TPH2: variants seen among roughly 807,000 people sequenced by gnomAD.
The protein encoded by TPH2 is tryptophan hydroxylase 2, also known as tryptophan 5-hydroxylase 2.
A neutral mutation model predicts 59.1 loss-of-function variants in TPH2; 27 were observed. The observed-to-expected ratio is 0.46, with a 90% CI of 0.34 to 0.63. TPH2 has a LOEUF of 0.63. TPH2 is among the 30% of genes least tolerant of loss of function. The pLI is 0.01. For synonymous variants in TPH2, 220 were observed against 210.5 expected (o/e 1.05, Z -0.39); for missense variants, 523 against 588.3 (o/e 0.89, Z 1.15).
intron 5 of TPH2, among the ~76,000 whole-genome samples, chr12:71,969,299 T>C (rs1871907707): frequency 2.0e-5 from 3 of 151,940 alleles, no homozygotes; most frequent in Admixed American, 6.6e-5. Context: ...GAAAGAAAGA[T>C]ACATAATGAT....
chr12:72,023,748 C>T (rs1002034267), intron 9 of TPH2, among the ~76,000 whole-genome samples: 6 of 144,502 alleles, frequency 4.2e-5, no homozygotes, highest in Admixed American at 7.3e-5. Context: ...CACTTGAACC[C>T]AGGAGGCGGA....
intron 7 of TPH2, among the ~76,000 whole-genome samples, chr12:71,982,105 G>A (rs1029075722): frequency 2.8e-5 from 4 of 143,400 alleles, no homozygotes; most frequent in African/African-American, 2.6e-5. Context: ...CTGGATTCAA[G>A]CAATTCTCCT....
At chr12:71,980,773 G>C (rs1260248658) in intron 7 of TPH2, among the ~76,000 whole-genome samples, 2 of 152,022 alleles carry the variant, frequency 1.3e-5, no homozygotes, top group African/African-American at 2.4e-5. Context: ...GGTATGCAGA[G>C]AGAGAGAGAG....
intron 8 of TPH2, among the ~76,000 whole-genome samples, chr12:72,001,072 C>A (rs987604741): frequency 6.6e-6 from 1 of 152,204 alleles, no homozygotes; most frequent in Non-Finnish European, 1.5e-5. Flanking sequence ...AGCTGTGCAT[C>A]ATCTGTGGGG....
chr12:71,943,466 C>G (rs1207668219), intron 2 of TPH2, among the ~76,000 whole-genome samples: 1 of 152,070 alleles, frequency 6.6e-6, no homozygotes, highest in Non-Finnish European at 1.5e-5. Flanking sequence ...AAATTCTAAC[C>G]TGATTTTTAA....
chr12:71,989,880 C>T (rs577845556), intron 7 of TPH2, among the ~76,000 whole-genome samples: 1 of 152,002 alleles, frequency 6.6e-6, no homozygotes, highest in Non-Finnish European at 1.5e-5. Flanking sequence ...TAGAATCCCC[C>T]TAGCAGGGCT....
intron 8 of TPH2, among the ~76,000 whole-genome samples, chr12:72,017,717 G>A (rs1376699581): frequency 1.3e-5 from 2 of 151,972 alleles, no homozygotes; most frequent in Non-Finnish European, 1.5e-5. Flanking sequence ...AAATCTCTAG[G>A]GAATATATTA....
At chr12:71,960,787 T>C (rs1328413357) in intron 5 of TPH2, among the ~76,000 whole-genome samples, 1 of 152,216 alleles carries the variant, frequency 6.6e-6, no homozygotes, top group Non-Finnish European at 1.5e-5. Flanking sequence ...ATTTTTACTT[T>C]AAAATGATTT....
At chr12:71,995,687 G>A (rs1219730370) in intron 8 of TPH2, among the ~76,000 whole-genome samples, 1 of 152,146 alleles carries the variant, frequency 6.6e-6, no homozygotes, top group African/African-American at 2.4e-5. Context: ...GGTGGACAAG[G>A]ACAGCATGTC....
At position 71,964,305 on chromosome 12, in the gene TPH2, G is replaced by A; in HGVS notation, c.609-8214G>A. ...AATATATATATAGTTGTTTTGTTTT[G>A]AGATGGGGTCTCTGTCGTCCAGGCT... On this transcript the variant is annotated intron_variant, in intron 5 of 10. Transcript: ENST00000333850. The A allele has an allele frequency of 4.1e-5, 2 of 48,274 alleles. 1 individual carries two copies. Among genetic ancestry groups the A allele is most frequent in the South Asian group, 1.4e-3 (2 of 1,466 alleles). 3.0% of individuals were successfully genotyped at this position (48,274 alleles called of 1,614,324 possible).
At chr12:72,015,693 T>C (rs1566165187) in intron 8 of TPH2, among the ~76,000 whole-genome samples, 2 of 152,148 alleles carry the variant, frequency 1.3e-5, no homozygotes, top group African/African-American at 2.4e-5. Context: ...CAGTCTTCTT[T>C]TCTGAGATTT....
intron 8 of TPH2, among the ~76,000 whole-genome samples, chr12:72,020,338 G>C (rs1467348845): frequency 1.3e-5 from 2 of 152,160 alleles, no homozygotes; most frequent in Non-Finnish European, 2.9e-5. Flanking sequence ...AGTGTTGGGG[G>C]ATAGATGATA....
intron 2 of TPH2, among the ~76,000 whole-genome samples, chr12:71,942,644 C>G (rs1430114157): frequency 6.6e-6 from 1 of 152,146 alleles, no homozygotes; most frequent in Non-Finnish European, 1.5e-5. Flanking sequence ...TCCTACCTAA[C>G]AGGATTGCTG....
At chr12:71,959,004 C>T (rs1871598088) in intron 5 of TPH2, among the ~76,000 whole-genome samples, 1 of 151,072 alleles carries the variant, frequency 6.6e-6, no homozygotes. Flanking sequence ...GAATTTTCTC[C>T]TTTTACATGG....
At chr12:71,989,081 T>C (rs1872516271) in intron 7 of TPH2, among the ~76,000 whole-genome samples, 1 of 131,218 alleles carries the variant, frequency 7.6e-6, no homozygotes, top group Non-Finnish European at 1.6e-5. Flanking sequence ...CAATGCAACA[T>C]CCAGGTTCCT....
intron 7 of TPH2, 93 bp downstream of exon 7, chr12:71,979,180 A>G: frequency 6.5e-7 from 1 of 1,541,212 alleles, no homozygotes; most frequent in Non-Finnish European, 8.9e-7. Context: ...TTTACCTCCA[A>G]ACTAATTTCC....
chr12:71,950,838 C>A (rs1386488), intron 5 of TPH2, among the ~76,000 whole-genome samples: 121,080 of 151,964 alleles, frequency 0.8, 48,325 homozygotes, highest in East Asian at 0.84. Flanking sequence ...GGGATTTGAC[C>A]CATGGTGCTT....
At chr12:72,024,815 G>C (rs903699323) in intron 9 of TPH2, among the ~76,000 whole-genome samples, 2 of 152,124 alleles carry the variant, frequency 1.3e-5, no homozygotes, top group Non-Finnish European at 2.9e-5. Flanking sequence ...CCAGAAATAC[G>C]TACCAAGAAG....
intron 8 of TPH2, among the ~76,000 whole-genome samples, chr12:72,016,096 C>T (rs1337237895): frequency 2.0e-5 from 3 of 152,082 alleles, no homozygotes; most frequent in Non-Finnish European, 2.9e-5. Context: ...GTTTTGGAAC[C>T]GGGCAAACCA....
Sources: gnomAD v4.1 joint callset for allele counts (sites outside exome capture counted in the v4.1 genomes callset) on GRCh38, gnomAD v4.1.1 for gene constraint, MANE v1.5 for transcripts, NCBI Gene and HGNC (gene_info 2026-07-23, HGNC 2026-07-21) for gene names.